Variants in DCC observed in about 807,000 individuals in gnomAD.
DCC encodes DCC netrin 1 receptor.
A neutral mutation model predicts 172.5 loss-of-function variants in DCC; 58 were observed. That is an observed-to-expected ratio of 0.34 (90% CI 0.27 to 0.42). DCC has a LOEUF of 0.42. DCC is among the 10% of genes least tolerant of loss of function. The pLI, the probability that DCC is intolerant of heterozygous loss-of-function variation, is 1.00. For synonymous variants in DCC, 709 were observed against 644.5 expected (o/e 1.10, Z -1.52); for missense variants, 1,740 against 1,791.0 (o/e 0.97, Z 0.51).
intron 1 of DCC, among the ~76,000 whole-genome samples, chr18:52,599,336 G>A (rs907797229): frequency 6.6e-6 from 1 of 152,058 alleles, no homozygotes; most frequent in African/African-American, 2.4e-5. Flanking sequence ...GCCATATAGT[G>A]TATATTTTGA....
At chr18:52,587,153 G>T (rs1455097090) in intron 1 of DCC, among the ~76,000 whole-genome samples, 1 of 152,168 alleles carries the variant, frequency 6.6e-6, no homozygotes, top group African/African-American at 2.4e-5. Context: ...CCAGGTAGCT[G>T]GCTGATCACC....
intron 1 of DCC, among the ~76,000 whole-genome samples, chr18:52,730,799 A>T (rs1233988999): frequency 6.6e-6 from 1 of 152,156 alleles, no homozygotes; most frequent in Non-Finnish European, 1.5e-5. Context: ...AGGCCTTCGA[A>T]GTTCACTGGT....
At position 52,373,156 on chromosome 18, in the gene DCC, A is replaced by G. The variant is rs184190562; in HGVS notation, c.91+32278A>G. On this transcript the variant is annotated intron_variant, in intron 1 of 28. Transcript: ENST00000442544. ...ATGGGAGAAGATACGTGAATTTAGT[A>G]GAAGCATCAACCCCACCCACAAGGC... Among the ~76,000 whole-genome samples the G allele has an allele frequency of 4.5e-3, 680 of 152,282 alleles. 3 individuals carry two copies. The highest frequency in any genetic ancestry group is 4.8e-3 in the Non-Finnish European group (325 of 68,014).
intron 7 of DCC, among the ~76,000 whole-genome samples, chr18:53,138,968 T>C (rs1281482292): frequency 6.6e-6 from 1 of 152,216 alleles, no homozygotes; most frequent in African/African-American, 2.4e-5. Flanking sequence ...TTCTCTGTGT[T>C]TGTACGTACT....
chr18:53,188,068 G>T (rs1000012313), intron 9 of DCC, among the ~76,000 whole-genome samples: 1 of 152,084 alleles, frequency 6.6e-6, no homozygotes, highest in Non-Finnish European at 1.5e-5. Context: ...ACCTATAATT[G>T]GTGTTATAAA....
chr18:52,693,793 A>G (rs1443331489), intron 1 of DCC, among the ~76,000 whole-genome samples: 1 of 152,162 alleles, frequency 6.6e-6, no homozygotes, highest in Non-Finnish European at 1.5e-5. Context: ...CAGAGCTGAA[A>G]CAAATCTGAG....
At chr18:53,073,308 T>G (rs1465483201) in intron 7 of DCC, among the ~76,000 whole-genome samples, 1 of 152,054 alleles carries the variant, frequency 6.6e-6, no homozygotes, top group Non-Finnish European at 1.5e-5. Flanking sequence ...GGCAGATCAC[T>G]AGGTCAGGAG....
intron 12 of DCC, among the ~76,000 whole-genome samples, chr18:53,241,903 A>G (rs1290335401): frequency 2.0e-5 from 3 of 152,176 alleles, no homozygotes; most frequent in Non-Finnish European, 4.4e-5. Flanking sequence ...AGGTAGTCCT[A>G]TAGATCTCCA....
chr18:52,519,068 A>G (rs554789375), intron 1 of DCC, among the ~76,000 whole-genome samples: 2 of 152,326 alleles, frequency 1.3e-5, no homozygotes, highest in African/African-American at 4.8e-5. Context: ...ATATGTAGAA[A>G]GGTTTCCTCC....
intron 15 of DCC, among the ~76,000 whole-genome samples, chr18:53,365,521 G>A (rs2057996430): frequency 6.6e-6 from 1 of 151,854 alleles, no homozygotes; most frequent in South Asian, 2.1e-4. Flanking sequence ...CCATAGATGG[G>A]AGCCCAGTTA....
intron 15 of DCC, among the ~76,000 whole-genome samples, chr18:53,351,464 GTGTATA>G (rs367602090): frequency 0.22 from 7,076 of 32,016 alleles, 829 homozygotes; most frequent in Non-Finnish European, 0.26. Context: ...TATACACAGT[GTGTATA>G]TATATATATA....
intron 2 of DCC, among the ~76,000 whole-genome samples, chr18:52,828,203 C>T (rs998215293): frequency 1.3e-5 from 2 of 152,186 alleles, no homozygotes; most frequent in African/African-American, 4.8e-5. Flanking sequence ...TTCTACTACA[C>T]AGCCATGTCT....
At chr18:53,309,962 G>GTATATATATATATATATATATATA (rs5825007) in intron 13 of DCC, among the ~76,000 whole-genome samples, 4 of 133,308 alleles carry the variant, frequency 3.0e-5, no homozygotes, top group South Asian at 4.8e-4. Context: ...ATATACGTGT[G>GTATATATATATATATATATATATA]TGTATATATA....
chr18:53,215,465 C>A, intron 11 of DCC, 83 bp from the exon 12 acceptor site: 2 of 1,133,402 alleles, frequency 1.8e-6, no homozygotes, highest in Non-Finnish European at 1.3e-6. Context: ...TAAACAAAAC[C>A]ACACTCTCTT....
chr18:52,710,077 C>T (rs1248471894), intron 1 of DCC, among the ~76,000 whole-genome samples: 2 of 152,140 alleles, frequency 1.3e-5, no homozygotes, highest in Admixed American at 1.3e-4. Context: ...CTATCCTCCA[C>T]CTTGATCCAG....
chr18:52,722,896 T>A (rs527327275), intron 1 of DCC, among the ~76,000 whole-genome samples: 1 of 152,354 alleles, frequency 6.6e-6, no homozygotes, highest in South Asian at 2.1e-4. Flanking sequence ...GAGAAAGGAT[T>A]CATGGGAGCT....
chr18:53,320,443 G>T (rs552804345), intron 13 of DCC, among the ~76,000 whole-genome samples: 1 of 152,268 alleles, frequency 6.6e-6, no homozygotes, highest in South Asian at 2.1e-4. Context: ...GCTGTTATGA[G>T]TAGGTAACCA....
At chr18:53,073,748 T>A (rs2042687021) in intron 7 of DCC, among the ~76,000 whole-genome samples, 1 of 152,074 alleles carries the variant, frequency 6.6e-6, no homozygotes, top group Middle Eastern at 3.4e-3. Flanking sequence ...AGTCAGTATA[T>A]CATATAGCTT....
At chr18:53,146,445 A>G (rs538438166) in intron 7 of DCC, among the ~76,000 whole-genome samples, 2 of 152,244 alleles carry the variant, frequency 1.3e-5, no homozygotes, top group East Asian at 3.9e-4. Flanking sequence ...GAAGGGGCAA[A>G]AACTGGGGCA....
Sources: allele counts gnomAD v4.1 joint callset (sites outside exome capture counted in the v4.1 genomes callset), GRCh38; gene constraint gnomAD v4.1.1; transcripts MANE v1.5; gene names NCBI Gene and HGNC (gene_info 2026-07-23, HGNC 2026-07-21).